Variants in DLG2 observed in about 807,000 individuals in gnomAD.
DLG2 encodes the protein discs large MAGUK scaffold protein 2.
Under a neutral mutation model 132.5 loss-of-function variants are expected in DLG2, and 45 were observed. The observed-to-expected ratio is 0.34, with a 90% CI of 0.27 to 0.44. DLG2 has a LOEUF of 0.44. Among genes scored for constraint, DLG2 ranks in the 20% least tolerant of loss-of-function variants. The pLI is 1.00. For synonymous variants in DLG2, 424 were observed against 419.6 expected, an observed-to-expected ratio of 1.01 and a Z score of -0.13; for missense variants, 1,045 against 1,196.9, an observed-to-expected ratio of 0.87 and a Z score of 1.87.
At chr11:85,067,295 G>C (rs2065070024) in intron 6 of DLG2, among the ~76,000 whole-genome samples, 1 of 151,712 alleles carries the variant, frequency 6.6e-6, no homozygotes, top group Non-Finnish European at 1.5e-5. Context: ...CAAAAAACCA[G>C]CTCCTGGATT....
At chr11:85,263,822 A>G (rs1391674959) in intron 4 of DLG2, among the ~76,000 whole-genome samples, 1 of 152,194 alleles carries the variant, frequency 6.6e-6, no homozygotes, top group Non-Finnish European at 1.5e-5. Context: ...GGTCACCAAA[A>G]TGTCATAGGT....
intron 6 of DLG2, among the ~76,000 whole-genome samples, chr11:84,591,828 G>T (rs966012571): frequency 4.6e-5 from 7 of 152,030 alleles, no homozygotes; most frequent in African/African-American, 1.7e-4. Context: ...GTGGGGGTAG[G>T]ACCCAAGGAG....
intron 20 of DLG2, among the ~76,000 whole-genome samples, chr11:83,534,825 C>A (rs920047660): frequency 3.3e-5 from 5 of 152,172 alleles, no homozygotes; most frequent in African/African-American, 1.2e-4. Flanking sequence ...CACCTGTAAT[C>A]CCAGCTACGC....
At chr11:83,520,401 A>G (rs1357430695) in intron 21 of DLG2, among the ~76,000 whole-genome samples, 1 of 152,222 alleles carries the variant, frequency 6.6e-6, no homozygotes, top group Non-Finnish European at 1.5e-5. Flanking sequence ...CCCTGGAGTC[A>G]TGGAAATTAT....
chr11:84,656,665 C>T (rs556136957), intron 6 of DLG2, among the ~76,000 whole-genome samples: 1 of 152,172 alleles, frequency 6.6e-6, no homozygotes, highest in African/African-American at 2.4e-5. Flanking sequence ...ATAATGGAAA[C>T]AGAGAGATCA....
intron 6 of DLG2, among the ~76,000 whole-genome samples, chr11:84,806,824 A>C (rs2076051995): frequency 1.3e-5 from 2 of 152,324 alleles, no homozygotes; most frequent in African/African-American, 4.8e-5. Flanking sequence ...CCTACATTAT[A>C]TTTGATGGTA....
At chr11:85,106,845 C>T (rs193033092) in intron 6 of DLG2, among the ~76,000 whole-genome samples, 1 of 152,076 alleles carries the variant, frequency 6.6e-6, no homozygotes, top group Admixed American at 6.6e-5. Context: ...TTAACTATGA[C>T]CAAATATTGC....
At chr11:84,911,716 C>G (rs1260868690) in intron 6 of DLG2, among the ~76,000 whole-genome samples, 1 of 152,074 alleles carries the variant, frequency 6.6e-6, no homozygotes. Context: ...AATATCTTAA[C>G]ATAAAAATAT....
At chr11:84,772,147 T>A (rs1314363817) in intron 6 of DLG2, among the ~76,000 whole-genome samples, 1 of 149,864 alleles carries the variant, frequency 6.7e-6, no homozygotes, top group Non-Finnish European at 1.5e-5. Flanking sequence ...CCAACAACAA[T>A]AAAAACGACA....
At chr11:85,135,114 G>T (rs12290073) in intron 5 of DLG2, among the ~76,000 whole-genome samples, 4 of 152,118 alleles carry the variant, frequency 2.6e-5, no homozygotes, top group Non-Finnish European at 5.9e-5. Context: ...ATATCTTTAT[G>T]TACCAGCGTG....
At chr11:84,014,880 C>T (rs1399771094) in intron 11 of DLG2, among the ~76,000 whole-genome samples, 6 of 151,242 alleles carry the variant, frequency 4.0e-5, no homozygotes, top group Admixed American at 4.0e-4. Context: ...AAAAAAAAGG[C>T]CAACATCTAC....
chr11:84,803,297 A>T (rs1280051091), intron 6 of DLG2, among the ~76,000 whole-genome samples: 13 of 152,218 alleles, frequency 8.5e-5, no homozygotes, highest in Admixed American at 8.5e-4. Context: ...AAAACCCAAC[A>T]ACCATCCAAT....
chr11:83,498,487 GA>G (rs1346790533), intron 21 of DLG2, among the ~76,000 whole-genome samples: 1 of 151,900 alleles, frequency 6.6e-6, no homozygotes, highest in African/African-American at 2.4e-5. Context: ...AAGAGAAAAT[GA>G]AACTACTTTT....
chr11:84,484,990 A>T (rs999366655), intron 7 of DLG2, among the ~76,000 whole-genome samples: 2 of 152,180 alleles, frequency 1.3e-5, no homozygotes, highest in African/African-American at 4.8e-5. Flanking sequence ...ACAACTTCAT[A>T]ATTTTCATAA....
chr11:84,242,938 A>C (rs2097251891), intron 8 of DLG2, among the ~76,000 whole-genome samples: 1 of 151,880 alleles, frequency 6.6e-6, no homozygotes, highest in South Asian at 2.1e-4. Flanking sequence ...TTAAAAAAGG[A>C]GGAAATTAAA....
chr11:83,534,360 C>T (rs1456390776), intron 20 of DLG2, among the ~76,000 whole-genome samples: 1 of 152,106 alleles, frequency 6.6e-6, no homozygotes, highest in African/African-American at 2.4e-5. Flanking sequence ...TTAAATATTG[C>T]TAGCTTTAAA....
intron 19 of DLG2, among the ~76,000 whole-genome samples, chr11:83,586,957 A>T (rs1382387521): frequency 6.6e-6 from 1 of 152,220 alleles, no homozygotes; most frequent in Non-Finnish European, 1.5e-5. Context: ...ATTTTCCTTG[A>T]CACTAGTAAA....
intron 7 of DLG2, among the ~76,000 whole-genome samples, chr11:84,258,987 G>A (rs532820142): frequency 6.6e-6 from 1 of 152,174 alleles, no homozygotes; most frequent in East Asian, 1.9e-4. Context: ...GAATGCATGT[G>A]TAGGCCAGGA....
At chr11:84,952,974 T>C (rs2051159922) in intron 6 of DLG2, among the ~76,000 whole-genome samples, 1 of 152,252 alleles carries the variant, frequency 6.6e-6, no homozygotes. Flanking sequence ...TTTCAGCTTG[T>C]TCATTCCACT....
Sources: allele counts gnomAD v4.1 joint callset (sites outside exome capture counted in the v4.1 genomes callset), GRCh38; gene constraint gnomAD v4.1.1; transcripts MANE v1.5; gene names NCBI Gene and HGNC (gene_info 2026-07-23, HGNC 2026-07-21).